The following PTPRD variants were observed in gnomAD, a reference collection of about 807,000 sequenced individuals.
The protein encoded by PTPRD is protein tyrosine phosphatase receptor type D.
In PTPRD, 34 loss-of-function variants were observed where a neutral mutation model predicts 214.5. That is an observed-to-expected ratio of 0.16 (90% CI 0.12 to 0.21). The LOEUF (loss-of-function observed/expected upper bound fraction) is 0.21, where lower values mean the gene tolerates loss of function less well. Ranked by LOEUF, PTPRD falls within the 10% of genes least tolerant of loss-of-function variation. The probability of loss-of-function intolerance (pLI) is 1.00; values close to 1 mark genes in which losing one functional copy is unlikely to be tolerated. For synonymous variants in PTPRD, 1,128 were observed against 845.7 expected (o/e 1.33, Z -5.79); for missense variants, 2,545 against 2,398.7 (o/e 1.06, Z -1.27).
Position 9,729,408 on chromosome 9 carries a change from T to C in PTPRD, c.-287+5125A>G, listed in dbSNP as rs74570207. ...TCCTCTGCACAGAAGTGATATACTTTACTTCCATTTTCCCTTGGCCAAAAG... is the reference window on the plus strand; with the variant it reads ...TCCTCTGCACAGAAGTGATATACTTCACTTCCATTTTCCCTTGGCCAAAAG... On this transcript the variant is annotated intron_variant, in intron 7 of 45. Coordinates refer to ENST00000381196, the MANE Select transcript of PTPRD (RefSeq NM_002839.4). Among the ~76,000 whole-genome samples, 1,193 of 152,200 alleles carry C rather than the reference T, an allele frequency of 7.8e-3. 14 individuals are homozygous for C. The highest frequency in any genetic ancestry group is 0.027 in the African/African-American group (1,129 of 41,546).
chr9:8,321,468 T>A (rs1827469995), intron 44 of PTPRD, among the ~76,000 whole-genome samples: 1 of 49,498 alleles, frequency 2.0e-5, no homozygotes, highest in Middle Eastern at 9.4e-3. Context: ...TCTTTGTGTG[T>A]GTGTGTGTGT....
intron 11 of PTPRD, among the ~76,000 whole-genome samples, chr9:8,880,369 T>C (rs2098435071): frequency 6.6e-6 from 1 of 152,210 alleles, no homozygotes; most frequent in Admixed American, 6.5e-5. Flanking sequence ...CCTCCCTTAG[T>C]GTTACCTGTG....
At chr9:8,363,637 C>T (rs899723143) in intron 39 of PTPRD, among the ~76,000 whole-genome samples, 3 of 152,158 alleles carry the variant, frequency 2.0e-5, no homozygotes, top group South Asian at 2.1e-4. Context: ...TTGCACTTAA[C>T]TGGGTGATCA....
At chr9:9,596,085 G>A (rs991988948) in intron 7 of PTPRD, among the ~76,000 whole-genome samples, 7 of 152,034 alleles carry the variant, frequency 4.6e-5, no homozygotes, top group South Asian at 2.1e-4. Flanking sequence ...TATTCACTTA[G>A]ATATAACCAT....
chr9:9,652,703 C>T (rs2096396033), intron 7 of PTPRD, among the ~76,000 whole-genome samples: 1 of 151,828 alleles, frequency 6.6e-6, no homozygotes, highest in Non-Finnish European at 1.5e-5. Flanking sequence ...CAATCTCCAC[C>T]TCCCAGGTTC....
rs550869106 is a variant in PTPRD, at chr9:10,132,449, T to A, written c.-544-98659A>T. ...CACCTGCCATATGATGAGGACTACG[T>A]TAAACATGGGAATGAGGAGATCCAA... On this transcript the variant is annotated intron_variant, in intron 3 of 45. Coordinates refer to ENST00000381196, the MANE Select transcript of PTPRD (RefSeq NM_002839.4). 2.6e-5 allele frequency among the ~76,000 whole-genome samples: 4 copies of A among 151,968 alleles called. No homozygotes were observed. The East Asian group carries it at 5.8e-4, about 22-fold the overall frequency.
chr9:10,323,475 T>C (rs1027399641), intron 3 of PTPRD, among the ~76,000 whole-genome samples: 2 of 151,020 alleles, frequency 1.3e-5, no homozygotes, highest in Non-Finnish European at 3.0e-5. Context: ...TGTTTATTTA[T>C]TTATGTATTT....
At chr9:9,629,865 G>A (rs556319758) in intron 7 of PTPRD, among the ~76,000 whole-genome samples, 8 of 148,928 alleles carry the variant, frequency 5.4e-5, no homozygotes, top group Admixed American at 3.3e-4. Flanking sequence ...GTGGATGTCT[G>A]CTTAAGCAGT....
chr9:9,528,252 T>C (rs910403390), intron 8 of PTPRD, among the ~76,000 whole-genome samples: 1 of 152,092 alleles, frequency 6.6e-6, no homozygotes, highest in African/African-American at 2.4e-5. Context: ...CTACCAGAGA[T>C]CAGGGAAACA....
intron 11 of PTPRD, among the ~76,000 whole-genome samples, chr9:8,830,390 A>C (rs1426976327): frequency 1.3e-5 from 2 of 152,214 alleles, no homozygotes; most frequent in Non-Finnish European, 2.9e-5. Flanking sequence ...ATTTTATAGA[A>C]ATTGTAAGAC....
At chr9:9,657,960 C>T (rs1404253840) in intron 7 of PTPRD, among the ~76,000 whole-genome samples, 1 of 152,138 alleles carries the variant, frequency 6.6e-6, no homozygotes, top group Admixed American at 6.5e-5. Context: ...CCAAGTGGAA[C>T]TCATTTGACT....
At chr9:9,654,522 T>G (rs1257230126) in intron 7 of PTPRD, among the ~76,000 whole-genome samples, 2 of 152,134 alleles carry the variant, frequency 1.3e-5, no homozygotes, top group Non-Finnish European at 2.9e-5. Context: ...TTAGGTGTTA[T>G]AAAGACTACT....
At chr9:9,126,378 T>C (rs2099833788) in intron 10 of PTPRD, among the ~76,000 whole-genome samples, 1 of 152,194 alleles carries the variant, frequency 6.6e-6, no homozygotes, top group Non-Finnish European at 1.5e-5. Flanking sequence ...GAATATAAGC[T>C]GAATACAGTA....
At chr9:8,885,565 C>T (rs1026659318) in intron 11 of PTPRD, among the ~76,000 whole-genome samples, 11 of 141,760 alleles carry the variant, frequency 7.8e-5, no homozygotes, top group African/African-American at 2.1e-4. Context: ...GGTGGGATCT[C>T]GGCTCACTGA....
chr9:10,422,719 G>A (rs1383087564), intron 2 of PTPRD, among the ~76,000 whole-genome samples: 1 of 152,006 alleles, frequency 6.6e-6, no homozygotes, highest in African/African-American at 2.4e-5. Context: ...CGTCATCACT[G>A]GCCATCAGAG....
At chr9:9,310,993 A>T (rs1451517641) in intron 9 of PTPRD, among the ~76,000 whole-genome samples, 4 of 151,844 alleles carry the variant, frequency 2.6e-5, no homozygotes, top group Non-Finnish European at 4.4e-5. Flanking sequence ...CATCTTAAAT[A>T]TGAAAGTGAG....
intron 5 of PTPRD, among the ~76,000 whole-genome samples, chr9:9,773,740 C>T (rs1019734732): frequency 2.0e-5 from 3 of 151,870 alleles, no homozygotes; most frequent in South Asian, 2.1e-4. Context: ...GCTGCTGAAG[C>T]AAGACTGATA....
intron 4 of PTPRD, among the ~76,000 whole-genome samples, chr9:10,015,958 T>C (rs185242629): frequency 4.4e-4 from 67 of 152,286 alleles, no homozygotes; most frequent in Non-Finnish European, 7.1e-4. Context: ...ACCAGTTGAC[T>C]GACACCACAC....
chr9:8,908,827 G>A (rs1481508723), intron 11 of PTPRD, among the ~76,000 whole-genome samples: 1 of 151,226 alleles, frequency 6.6e-6, no homozygotes, highest in Non-Finnish European at 1.5e-5. Context: ...CCTTTAACTC[G>A]ATTATCCAAG....
Sources: gnomAD v4.1 joint callset for allele counts (sites outside exome capture counted in the v4.1 genomes callset) on GRCh38, gnomAD v4.1.1 for gene constraint, MANE v1.5 for transcripts, NCBI Gene and HGNC (gene_info 2026-07-23, HGNC 2026-07-21) for gene names.